Variants in NSMCE2 observed in about 807,000 individuals in gnomAD.
The protein encoded by NSMCE2 is NSE2 SUMO ligase component of SMC5/6 complex.
Under a neutral mutation model 23.8 loss-of-function variants are expected in NSMCE2, and 24 were observed. That is an observed-to-expected ratio of 1.01 (90% CI 0.73 to 1.42). NSMCE2 has a LOEUF of 1.42. Ranked by LOEUF, NSMCE2 falls within the 40% of genes most tolerant of loss-of-function variation. The pLI is 0.00. For synonymous variants in NSMCE2, 92 were observed against 94.1 expected, an observed-to-expected ratio of 0.98 and a Z score of 0.13; for missense variants, 284 against 296.5, an observed-to-expected ratio of 0.96 and a Z score of 0.31.
chr8:125,224,194 T>C (rs1282411622), intron 5 of NSMCE2, among the ~76,000 whole-genome samples: 1 of 152,194 alleles, frequency 6.6e-6, no homozygotes, highest in Non-Finnish European at 1.5e-5. Context: ...TTTGAGTTCC[T>C]TATGTATTTT....
chr8:125,173,886 T>C (rs948199844), intron 4 of NSMCE2, among the ~76,000 whole-genome samples: 1 of 152,206 alleles, frequency 6.6e-6, no homozygotes, highest in Non-Finnish European at 1.5e-5. Context: ...GGCAAGATGC[T>C]GAACTACTGC....
chr8:125,354,693 A>T (rs1269155614), intron 5 of NSMCE2, among the ~76,000 whole-genome samples: 3 of 152,244 alleles, frequency 2.0e-5, no homozygotes, highest in African/African-American at 7.2e-5. Flanking sequence ...GCAAGCTGGC[A>T]TACAAATATA....
At chr8:125,169,357 A>G (rs1822052699) in intron 4 of NSMCE2, among the ~76,000 whole-genome samples, 1 of 152,224 alleles carries the variant, frequency 6.6e-6, no homozygotes, top group Admixed American at 6.5e-5. Context: ...TTCTCATCTT[A>G]GAACCACACA....
chr8:125,212,825 G>A (rs1203229981), intron 5 of NSMCE2, among the ~76,000 whole-genome samples: 4 of 152,148 alleles, frequency 2.6e-5, no homozygotes, highest in African/African-American at 4.8e-5. Flanking sequence ...ATTTCAGCCC[G>A]GGTTCTAATC....
At position 125,141,702 on chromosome 8, in the gene NSMCE2, CTG is replaced by C. The variant is rs549004886; in HGVS notation, c.158-9466_158-9465del. ...GACCATTTTAACTCTAATGTAGTCT[CTG>C]TGGAGAGGAGTGAGGCATTTGTTTA... On this transcript the variant is annotated intron_variant, in intron 3 of 7. Transcript: ENST00000287437. Among the ~76,000 whole-genome samples the C allele has an allele frequency of 4.6e-5, 7 of 152,276 alleles. No homozygotes were observed. In the South Asian group the frequency reaches 1.5e-3, roughly 32 times the overall value.
At chr8:125,305,814 T>A (rs760314750) in intron 5 of NSMCE2, among the ~76,000 whole-genome samples, 2 of 152,286 alleles carry the variant, frequency 1.3e-5, no homozygotes, top group Middle Eastern at 3.4e-3. Context: ...GTCAGCTGGG[T>A]ATTGAGAGTT....
chr8:125,262,325 T>C (rs1402418850), intron 5 of NSMCE2, among the ~76,000 whole-genome samples: 1 of 151,710 alleles, frequency 6.6e-6, no homozygotes, highest in Non-Finnish European at 1.5e-5. Flanking sequence ...CTTGGGAGAC[T>C]GAGGCAGGAA....
chr8:125,286,774 C>CAA (rs11403131), intron 5 of NSMCE2, among the ~76,000 whole-genome samples: 7,911 of 131,272 alleles, frequency 0.06, 343 homozygotes, highest in South Asian at 0.18. Flanking sequence ...AAGCCTAGAG[C>CAA]AAAAAAAAAA....
At chr8:125,279,824 C>T (rs1827624136) in intron 5 of NSMCE2, among the ~76,000 whole-genome samples, 1 of 152,088 alleles carries the variant, frequency 6.6e-6, no homozygotes, top group African/African-American at 2.4e-5. Flanking sequence ...ACTTTTTCCC[C>T]CTTTGAGCCT....
intron 3 of NSMCE2, among the ~76,000 whole-genome samples, chr8:125,135,507 G>T (rs965754600): frequency 6.6e-6 from 1 of 152,020 alleles, no homozygotes; most frequent in Admixed American, 6.6e-5. Context: ...TAGAAATTTT[G>T]TAGTTTTAGG....
chr8:125,312,508 C>A (rs560392039), intron 5 of NSMCE2, among the ~76,000 whole-genome samples: 1 of 152,126 alleles, frequency 6.6e-6, no homozygotes, highest in South Asian at 2.1e-4. Context: ...GCCTGTAGTC[C>A]CAGGTACTTG....
At chr8:125,225,382 A>G (rs1451614418) in intron 5 of NSMCE2, among the ~76,000 whole-genome samples, 3 of 152,134 alleles carry the variant, frequency 2.0e-5, no homozygotes, top group African/African-American at 7.2e-5. Context: ...CTCAAACCCA[A>G]CAGTTCTTTT....
chr8:125,343,494 C>T (rs908447495), intron 5 of NSMCE2, among the ~76,000 whole-genome samples: 3 of 148,840 alleles, frequency 2.0e-5, no homozygotes, highest in Non-Finnish European at 4.6e-5. Context: ...TATGAATTAG[C>T]CAGGCGTGTT....
intron 5 of NSMCE2, among the ~76,000 whole-genome samples, chr8:125,213,479 A>C (rs1824432250): frequency 7.1e-6 from 1 of 141,826 alleles, no homozygotes; most frequent in Admixed American, 7.0e-5. Flanking sequence ...TACCTAAGGC[A>C]CCCATGTCTC....
intron 5 of NSMCE2, among the ~76,000 whole-genome samples, chr8:125,322,239 G>A (rs1475927190): frequency 6.6e-6 from 1 of 151,986 alleles, no homozygotes; most frequent in Admixed American, 6.6e-5. Flanking sequence ...GTGGTGGTGG[G>A]TACCTCTAGG....
intron 5 of NSMCE2, among the ~76,000 whole-genome samples, chr8:125,183,065 G>A (rs1338456329): frequency 6.6e-6 from 1 of 152,130 alleles, no homozygotes; most frequent in Non-Finnish European, 1.5e-5. Flanking sequence ...GAAGTGAATA[G>A]TGAAGCAAAT....
intron 3 of NSMCE2, among the ~76,000 whole-genome samples, chr8:125,119,499 TG>T (rs1449132336): frequency 6.6e-6 from 1 of 152,174 alleles, no homozygotes; most frequent in Non-Finnish European, 1.5e-5. Context: ...TAGGTTTCAG[TG>T]GCCTAACAGG....
At chr8:125,116,687 A>T (rs924133589) in intron 3 of NSMCE2, among the ~76,000 whole-genome samples, 1 of 152,162 alleles carries the variant, frequency 6.6e-6, no homozygotes, top group African/African-American at 2.4e-5. Context: ...TGTCATTAGC[A>T]GTAATGTCTG....
At chr8:125,232,878 G>A (rs1004558272) in intron 5 of NSMCE2, among the ~76,000 whole-genome samples, 7 of 152,162 alleles carry the variant, frequency 4.6e-5, no homozygotes, top group Non-Finnish European at 1.0e-4. Context: ...GGACTGTTAT[G>A]TGAATGAGTT....
Sources: gnomAD v4.1 joint callset for allele counts (sites outside exome capture counted in the v4.1 genomes callset) on GRCh38, gnomAD v4.1.1 for gene constraint, MANE v1.5 for transcripts, NCBI Gene and HGNC (gene_info 2026-07-23, HGNC 2026-07-21) for gene names.